The following ENOX2 variants were observed in gnomAD, a reference collection of about 807,000 sequenced individuals.
ENOX2 encodes ecto-NOX disulfide-thiol exchanger 2.
Under a neutral mutation model 45.0 loss-of-function variants are expected in ENOX2, and 36 were observed. The observed-to-expected ratio is 0.80, with a 90% confidence interval of 0.61 to 1.06. ENOX2 has a LOEUF of 1.06. ENOX2 is among the 50% of genes least tolerant of loss of function. The probability of loss-of-function intolerance (pLI) is 0.00; values close to 1 mark genes in which losing one functional copy is unlikely to be tolerated. For synonymous variants in ENOX2, 174 were observed against 152.3 expected, an observed-to-expected ratio of 1.14 and a Z score of -1.05; for missense variants, 423 against 462.5, an observed-to-expected ratio of 0.91 and a Z score of 0.78.
At chrX:130,737,745 G>C (rs748179304) in intron 3 of ENOX2, among the ~76,000 whole-genome samples, 17 of 111,796 alleles carry the variant, frequency 1.5e-4, no homozygotes, top group Non-Finnish European at 2.4e-4. Context: ...AGGACTTGCA[G>C]GCAGCCCAGG....
intron 3 of ENOX2, among the ~76,000 whole-genome samples, chrX:130,737,456 GCACACACA>G (rs112463994): frequency 4.7e-5 from 5 of 107,233 alleles, no homozygotes; most frequent in African/African-American, 1.7e-4. Context: ...GCGTGCGCAC[GCACACACA>G]CACACACACA....
At chrX:130,647,487 T>C (rs961208036) in intron 10 of ENOX2, among the ~76,000 whole-genome samples, 2 of 111,977 alleles carry the variant, frequency 1.8e-5, no homozygotes, top group Non-Finnish European at 1.9e-5. Flanking sequence ...CATGTGTAGG[T>C]TGCTGGTGTG....
intron 4 of ENOX2, among the ~76,000 whole-genome samples, chrX:130,695,302 T>C (rs973981918): frequency 4.5e-5 from 5 of 112,114 alleles, no homozygotes; most frequent in African/African-American, 1.6e-4. Flanking sequence ...TTAAAATTCA[T>C]TGTTGCAATT....
chrX:130,675,445 C>A, intron 6 of ENOX2, among the ~76,000 whole-genome samples: 1 of 112,361 alleles, frequency 8.9e-6, no homozygotes, highest in Non-Finnish European at 1.9e-5. Context: ...ACAATGCAAG[C>A]AAGAAAATGG....
intron 3 of ENOX2, among the ~76,000 whole-genome samples, chrX:130,716,812 G>C (rs1252518134): frequency 1.8e-5 from 2 of 112,448 alleles, no homozygotes; most frequent in African/African-American, 6.5e-5. Flanking sequence ...TACAGCAACA[G>C]TAGTCCAAAT....
At chrX:130,778,381 T>C (rs2039904774) in intron 3 of ENOX2, among the ~76,000 whole-genome samples, 1 of 111,877 alleles carries the variant, frequency 8.9e-6, no homozygotes, top group South Asian at 3.7e-4. Context: ...AGCCTTGTAG[T>C]GCTGTAATTG....
chrX:130,782,298 ATAACAAATCCTAAG>A (rs1220783949), intron 3 of ENOX2, among the ~76,000 whole-genome samples: 2 of 112,202 alleles, frequency 1.8e-5, no homozygotes, highest in African/African-American at 6.5e-5. Context: ...ACTAACTGTC[ATAACAAATCCTAAG>A]ACATAGGCTT....
At chrX:130,775,134 C>A (rs990668752) in intron 3 of ENOX2, among the ~76,000 whole-genome samples, 1 of 112,024 alleles carries the variant, frequency 8.9e-6, no homozygotes, top group Non-Finnish European at 1.9e-5. Context: ...GTAATCCCAG[C>A]ACTTTGGGAG....
At chrX:130,696,035 A>T (rs1051939200) in intron 4 of ENOX2, among the ~76,000 whole-genome samples, 1 of 111,568 alleles carries the variant, frequency 9.0e-6, no homozygotes, top group Non-Finnish European at 1.9e-5. Flanking sequence ...CCGTTTCCCC[A>T]AAAGATCATC....
chrX:130,810,573 C>T, intron 2 of ENOX2, among the ~76,000 whole-genome samples: 1 of 111,837 alleles, frequency 8.9e-6, no homozygotes, highest in East Asian at 2.8e-4. Flanking sequence ...GCTAAGTAGG[C>T]CCATGTAGTC....
At chrX:130,768,006 G>A (rs950386256) in intron 3 of ENOX2, among the ~76,000 whole-genome samples, 5 of 111,589 alleles carry the variant, frequency 4.5e-5, no homozygotes, top group African/African-American at 1.6e-4. Context: ...TGGGCTCAAG[G>A]GAGACAGGGT....
chrX:130,803,415 A>G (rs1328870513), intron 2 of ENOX2, among the ~76,000 whole-genome samples: 3 of 111,777 alleles, frequency 2.7e-5, no homozygotes. Flanking sequence ...TTCCTGGACC[A>G]CCACAAAAGA....
chrX:130,760,459 T>C (rs957117210), intron 3 of ENOX2, among the ~76,000 whole-genome samples: 31 of 110,845 alleles, frequency 2.8e-4, no homozygotes, highest in Middle Eastern at 4.7e-3. Flanking sequence ...CACAGGTACA[T>C]ACAATGTTAG....
At chrX:130,689,123 C>T in intron 4 of ENOX2, 105 bp from the exon 5 acceptor site, 6 of 595,789 alleles carry the variant, frequency 1.0e-5, no homozygotes, top group Non-Finnish European at 1.6e-5. Flanking sequence ...AAGACAGAGG[C>T]AAAATATTTA....
At chrX:130,846,519 T>G in intron 2 of ENOX2, among the ~76,000 whole-genome samples, 1 of 111,395 alleles carries the variant, frequency 9.0e-6, no homozygotes, top group Admixed American at 9.5e-5. Flanking sequence ...GTATTTTTAG[T>G]AGAGACGGGG....
At chrX:130,799,201 G>T (rs1318457463) in intron 2 of ENOX2, among the ~76,000 whole-genome samples, 1 of 111,664 alleles carries the variant, frequency 9.0e-6, no homozygotes. Flanking sequence ...GGACTAGACT[G>T]GCTGAGTCTT....
At chrX:130,810,630 G>A (rs2077376049) in intron 2 of ENOX2, among the ~76,000 whole-genome samples, 1 of 111,921 alleles carries the variant, frequency 8.9e-6, no homozygotes, top group Non-Finnish European at 1.9e-5. Flanking sequence ...CCTGACCTCA[G>A]GCACTAGGCT....
chrX:130,789,606 A>G (rs1001883369), intron 2 of ENOX2, among the ~76,000 whole-genome samples: 3 of 112,623 alleles, frequency 2.7e-5, no homozygotes, highest in Non-Finnish European at 5.6e-5. Flanking sequence ...TGTTGAAAAA[A>G]TATCAGTACT....
chrX:130,709,341 GA>G, intron 3 of ENOX2: 1 of 1,071,277 alleles, frequency 9.3e-7, no homozygotes. Flanking sequence ...TCTGCAGAAA[GA>G]AGATAGTAGT....
Sources: allele counts gnomAD v4.1 joint callset (sites outside exome capture counted in the v4.1 genomes callset), GRCh38; gene constraint gnomAD v4.1.1; transcripts MANE v1.5; gene names NCBI Gene and HGNC (gene_info 2026-07-23, HGNC 2026-07-21).